Variants in PRRC2B observed in about 807,000 individuals in gnomAD.
The protein encoded by PRRC2B is protein PRRC2B.
PRRC2B carries 68 observed loss-of-function variants against 242.3 expected under a neutral mutation model. The observed-to-expected ratio is 0.28, with a 90% CI of 0.23 to 0.34. The LOEUF (loss-of-function observed/expected upper bound fraction) is 0.34. Ranked by LOEUF, PRRC2B falls within the 10% of genes least tolerant of loss-of-function variation. The pLI is 1.00. For missense variants in PRRC2B, 2,835 were observed against 2,954.8 expected, an observed-to-expected ratio of 0.96 and a Z score of 0.94; for synonymous variants, 1,228 against 1,173.6, an observed-to-expected ratio of 1.05 and a Z score of -0.95.
intron 5 of PRRC2B, among the ~76,000 whole-genome samples, chr9:131,441,812 C>T (rs1838588862): frequency 6.6e-6 from 1 of 152,166 alleles, no homozygotes; most frequent in African/African-American, 2.4e-5. Flanking sequence ...CATGTTTGGG[C>T]AGAGGTCAGA....
intron 10 of PRRC2B, among the ~76,000 whole-genome samples, chr9:131,457,426 C>T (rs1338356211): frequency 1.3e-5 from 2 of 152,170 alleles, no homozygotes; most frequent in African/African-American, 4.8e-5. Context: ...CAGTTTTGCC[C>T]CTGACTTTGA....
chr9:131,377,423 A>AT lies in PRRC2B; in HGVS notation c.-56+3702dup, dbSNP rs549478425. On this transcript the variant is annotated intron_variant, in intron 1 of 1. Coordinates refer to the PRRC2B transcript ENST00000682525. The stretch of plus-strand genomic sequence containing the variant: ...CCACTGCTCCTGGCCTATACTATTA[A>AT]TTTTTTTTTTATACCTCCACAATTG... 8.7e-3 allele frequency among the ~76,000 whole-genome samples: 1,301 copies of AT among 150,214 alleles called. 15 individuals carry two copies. Among genetic ancestry groups the AT allele is most frequent in the African/African-American group, 0.027 (1,120 of 41,044 alleles).
rs867676460 is a variant in PRRC2B, at chr9:131,400,983, C to T, written c.-52+6720C>T. 4.2e-5 allele frequency among the ~76,000 whole-genome samples: 6 copies of T among 144,198 alleles called. No homozygotes were observed. The South Asian group carries it at 1.1e-3, about 26-fold the overall frequency. 94.6% of individuals were successfully genotyped at this position (144,198 alleles called of 152,430 possible). ...TCTTTCTTTTTTTTTTTTTTTGAGACGGAGTTTTGCTCTTGTTGCCTAGGC... is the reference window on the plus strand; with the variant it reads ...TCTTTCTTTTTTTTTTTTTTTGAGATGGAGTTTTGCTCTTGTTGCCTAGGC... On this transcript the variant is annotated intron_variant, in intron 1 of 31. Coordinates refer to ENST00000683519, the MANE Select transcript of PRRC2B (RefSeq NM_013318.4).
intron 16 of PRRC2B, among the ~76,000 whole-genome samples, chr9:131,477,213 C>T (rs1295515630): frequency 6.6e-6 from 1 of 152,196 alleles, no homozygotes; most frequent in Admixed American, 6.5e-5. Flanking sequence ...GCTGCTGAGG[C>T]CTTCCCTGTC....
intron 1 of PRRC2B, among the ~76,000 whole-genome samples, chr9:131,407,985 G>T (rs1837411502): frequency 6.6e-6 from 1 of 152,240 alleles, no homozygotes; most frequent in Non-Finnish European, 1.5e-5. Context: ...GGGAGGCATT[G>T]CATCCAGGTT....
chr9:131,394,787 G>T (rs887504870), intron 1 of PRRC2B, among the ~76,000 whole-genome samples: 3 of 151,874 alleles, frequency 2.0e-5, no homozygotes, highest in Admixed American at 2.0e-4. Context: ...CTGGCGCGGG[G>T]TGGGCCGGGC....
rs377533188 is a variant in PRRC2B at position 131,476,346 on chromosome 9, C to T, written c.4217C>T (p.Ser1406Leu). The change falls in exon 16 of 32, where the codon TCG (serine) becomes TTG (leucine). Residue 1406 changes from serine to leucine, a missense_variant. Ser to Leu is a moderately radical substitution (Grantham distance 145, BLOSUM62 -2). This residue lies in a region of PRRC2B where 1,536 missense variants were observed against 1,483.1 expected (regional missense o/e 1.04). Transcript: ENST00000683519. ...GACTCCCAGGTGGATGGTGGCCTGT[C>T]GGGGGCTAGTTTGGGTGAGAAGAAG... ...EPDSQVDGGL[S>L]GASLGEKKEL... 59 of 1,588,220 alleles carry T rather than the reference C, an allele frequency of 3.7e-5. No homozygotes were observed. The highest frequency in any genetic ancestry group is 9.0e-5 in the Admixed American group (5 of 55,250).
chr9:131,413,409 C>T (rs992241364), intron 1 of PRRC2B, among the ~76,000 whole-genome samples: 14 of 152,332 alleles, frequency 9.2e-5, no homozygotes, highest in Admixed American at 6.5e-4. Flanking sequence ...AAACTGCTAG[C>T]GACTGTACCC....
chr9:131,484,600 T>G (rs1040447123), intron 23 of PRRC2B, 86 bp from the exon 24 acceptor site: 8 of 1,050,622 alleles, frequency 7.6e-6, no homozygotes, highest in Non-Finnish European at 1.1e-5. Flanking sequence ...GAGCCTTGAG[T>G]GTGTTCAGGA....
chr9:131,430,518 GA>G (rs1838112976), intron 2 of PRRC2B, among the ~76,000 whole-genome samples: 1 of 20,642 alleles, frequency 4.8e-5, no homozygotes, highest in Non-Finnish European at 1.2e-4. Context: ...TCTATAGATA[GA>G]TAGATAGATA....
At position 131,477,918 on chromosome 9, in the gene PRRC2B, G is replaced by A; in HGVS notation, c.4581G>A (p.Glu1527=). 1 of 1,614,056 alleles carries A rather than the reference G, an allele frequency of 6.2e-7. No homozygotes were observed. The highest frequency in any genetic ancestry group is 8.5e-7 in the Non-Finnish European group (1 of 1,179,898). The part of the protein sequence containing the change: ...LAAPRAGEQG[E]AMKQFDLNYG... ...CTCCGAGGGCAGGTGAACAGGGAGA[G>A]GCCATGAAACAGTTTGACCTGAACT... Residue 1527 remains glutamate, a synonymous_variant, in exon 17 of 32, where the codon GAG becomes GAA. Transcript: ENST00000683519.
chr9:131,458,495 G>A (rs1008355172), intron 10 of PRRC2B, among the ~76,000 whole-genome samples: 4 of 95,952 alleles, frequency 4.2e-5, no homozygotes, highest in Non-Finnish European at 8.5e-5. Context: ...ACCTCATAAT[G>A]TGTTTTTATT....
At chr9:131,390,781 C>CTTTTTT (rs57100225), upstream of PRRC2B, among the ~76,000 whole-genome samples, 1 of 36,946 alleles carries the variant, frequency 2.7e-5, no homozygotes, top group African/African-American at 1.0e-4. Flanking sequence ...TGTGCCCTAG[C>CTTTTTT]TTTTTTTTTT....
At chr9:131,489,964 T>C (rs527441164) in intron 28 of PRRC2B, among the ~76,000 whole-genome samples, 8 of 152,042 alleles carry the variant, frequency 5.3e-5, no homozygotes, top group African/African-American at 1.9e-4. Flanking sequence ...CTTCCCAGTC[T>C]GTAATGGTCA....
intron 30 of PRRC2B, among the ~76,000 whole-genome samples, chr9:131,493,300 G>A (rs546505729): frequency 1.3e-5 from 2 of 152,062 alleles, no homozygotes; most frequent in East Asian, 3.9e-4. Context: ...TCTGTTTTTA[G>A]TACGTTTCGT....
intron 1 of PRRC2B, among the ~76,000 whole-genome samples, chr9:131,379,577 C>T (rs139593076): frequency 2.3e-3 from 347 of 151,176 alleles, no homozygotes; most frequent in African/African-American, 7.9e-3. Context: ...GCTCATCGGC[C>T]ATGTGTATAT....
chr9:131,481,747 C>G lies in PRRC2B; in HGVS notation c.4922C>G (p.Ala1641Gly). The change falls in exon 20 of 32, where the codon GCC (alanine) becomes GGC (glycine). Residue 1641 changes from alanine to glycine, a missense_variant. Coordinates refer to ENST00000683519, the MANE Select transcript of PRRC2B (RefSeq NM_013318.4). ...SSQALPVQAPANDSWRKAVTA... is the reference protein window; with the variant it reads ...SSQALPVQAPGNDSWRKAVTA... Reference sequence around the variant, plus strand: ...GCAGCTCTCCCTGTGCAGGCCCCAGCCAACGACTCCTGGAGGAAAGCTGTC... The same window carrying G: ...GCAGCTCTCCCTGTGCAGGCCCCAGGCAACGACTCCTGGAGGAAAGCTGTC... 6.4e-7 allele frequency: 1 copy of G among 1,565,524 alleles called. No individual in the cohort carries two copies. Among genetic ancestry groups the G allele is most frequent in the South Asian group, 1.2e-5 (1 of 84,802 alleles).
At chr9:131,436,598 C>T in intron 3 of PRRC2B, 22 bp from the exon 4 acceptor site, 2 of 1,601,364 alleles carry the variant, frequency 1.2e-6, no homozygotes, top group South Asian at 2.2e-5. Flanking sequence ...GTGCCTGACC[C>T]CACTGCCCTG....
In PRRC2B at chr9:131,436,651, T is replaced by A; in HGVS notation, c.325T>A (p.Ser109Thr). 6.2e-7 allele frequency: 1 copy of A among 1,613,816 alleles called. No individual in the cohort carries two copies. The highest frequency in any genetic ancestry group is 8.5e-7 in the Non-Finnish European group (1 of 1,179,860). Residue 109 changes from serine to threonine, a missense_variant, in exon 4 of 32, where the codon TCG (serine) becomes ACG (threonine). By Grantham distance (58) the Ser-to-Thr change is moderately conservative. Coordinates refer to ENST00000683519, the MANE Select transcript of PRRC2B (RefSeq NM_013318.4). ...SSATASQPPE[S>T]LPQPGLQKSV... ...TGCGACGGCCTCTCAGCCGCCGGAG[T>A]CGCTGCCGCAGCCGGGTTTGCAGAA... is the stretch of plus-strand genomic sequence containing the variant.
Sources: allele counts gnomAD v4.1 joint callset (sites outside exome capture counted in the v4.1 genomes callset), GRCh38; gene constraint gnomAD v4.1.1; regional missense constraint gnomAD v4.1.1; transcripts MANE v1.5; gene names NCBI Gene and HGNC (gene_info 2026-07-23, HGNC 2026-07-21).